Variants in NEBL observed in about 807,000 individuals in gnomAD.
NEBL encodes nebulette, also known as LIM and SH3 protein 2.
In NEBL, 122 loss-of-function variants were observed where a neutral mutation model predicts 140.2. The observed-to-expected ratio is 0.87, with a 90% CI of 0.75 to 1.01. The LOEUF (loss-of-function observed/expected upper bound fraction) is 1.01. NEBL is among the 50% of genes least tolerant of loss of function. NEBL has a pLI of 0.00. For missense variants in NEBL, 1,365 were observed against 1,231.3 expected, an observed-to-expected ratio of 1.11 and a Z score of -1.62; for synonymous variants, 436 against 398.9, an observed-to-expected ratio of 1.09 and a Z score of -1.11.
intron 3 of NEBL, among the ~76,000 whole-genome samples, chr10:21,179,996 G>A (rs7067884): frequency 0.079 from 11,997 of 152,058 alleles, 1,248 homozygotes; most frequent in African/African-American, 0.24. Flanking sequence ...AATTAGCTGG[G>A]TGTGGTGGTA....
At chr10:20,805,356 T>C (rs1837512944) in intron 26 of NEBL, among the ~76,000 whole-genome samples, 1 of 152,222 alleles carries the variant, frequency 6.6e-6, no homozygotes, top group African/African-American at 2.4e-5. Flanking sequence ...TTCCAATGTA[T>C]CCTAAAATCT....
chr10:21,077,588 CAG>C (rs1836160747), intron 2 of NEBL, among the ~76,000 whole-genome samples: 1 of 151,722 alleles, frequency 6.6e-6, no homozygotes, highest in Admixed American at 6.6e-5. Flanking sequence ...GCCTGGGCGA[CAG>C]AGCAAGACTT....
At chr10:21,183,068 C>G (rs1257264653) in intron 3 of NEBL, among the ~76,000 whole-genome samples, 1 of 152,154 alleles carries the variant, frequency 6.6e-6, no homozygotes, top group African/African-American at 2.4e-5. Context: ...TTTGCATCTG[C>G]TTACTCTGAA....
intron 2 of NEBL, among the ~76,000 whole-genome samples, chr10:21,027,573 A>G (rs1833567282): frequency 6.6e-6 from 1 of 152,124 alleles, no homozygotes; most frequent in Admixed American, 6.5e-5. Context: ...CAAGTGGTCC[A>G]ATCAATTCAG....
At chr10:21,087,488 T>C (rs989910238) in intron 2 of NEBL, among the ~76,000 whole-genome samples, 11 of 152,172 alleles carry the variant, frequency 7.2e-5, no homozygotes, top group Non-Finnish European at 1.6e-4. Context: ...TTTTTCAGAC[T>C]TTCTCTTCTC....
intron 3 of NEBL, among the ~76,000 whole-genome samples, chr10:21,005,403 C>T (rs1838096082): frequency 6.6e-6 from 1 of 152,152 alleles, no homozygotes; most frequent in Non-Finnish European, 1.5e-5. Context: ...AGAAGTAAAA[C>T]AGTAAAATTT....
chr10:20,961,822 A>G lies in NEBL; in HGVS notation c.250-43T>C, dbSNP rs755562104. On this transcript the variant is annotated intron_variant, in intron 3 of 6. Coordinates refer to the NEBL transcript ENST00000417816. ...AAGAAAAGTGAACAGAGGGATCACG[A>G]ATCCCACTCGGGATAGGCTGGGCCA... 2.7e-6 allele frequency: 4 copies of G among 1,458,376 alleles called. No individual in the cohort carries two copies. In the Admixed American group the frequency reaches 6.7e-5, roughly 24 times the overall value. 90.3% of individuals were successfully genotyped at this position (1,458,376 alleles called of 1,614,324 possible).
intron 1 of NEBL, among the ~76,000 whole-genome samples, chr10:21,285,012 C>T (rs763506887): frequency 7.9e-5 from 12 of 152,232 alleles, no homozygotes; most frequent in Non-Finnish European, 1.2e-4. Flanking sequence ...ACAGAGCTAT[C>T]GTGGTACCAC....
chr10:21,044,596 C>T (rs887109733), intron 2 of NEBL, among the ~76,000 whole-genome samples: 1 of 151,998 alleles, frequency 6.6e-6, no homozygotes, highest in African/African-American at 2.4e-5. Flanking sequence ...ATTCACATGG[C>T]TGTTCACAGA....
intron 3 of NEBL, among the ~76,000 whole-genome samples, chr10:20,987,829 A>G (rs1278324380): frequency 6.6e-6 from 1 of 152,060 alleles, no homozygotes; most frequent in East Asian, 1.9e-4. Context: ...CACTCCTTTT[A>G]ATACTTCAAC....
At chr10:21,141,378 C>T (rs1839625888) in intron 2 of NEBL, among the ~76,000 whole-genome samples, 1 of 152,028 alleles carries the variant, frequency 6.6e-6, no homozygotes, top group South Asian at 2.1e-4. Context: ...TCTGCACTTA[C>T]CTCAATGGTT....
intron 1 of NEBL, among the ~76,000 whole-genome samples, chr10:21,291,871 A>G (rs1164711065): frequency 6.6e-6 from 1 of 152,204 alleles, no homozygotes; most frequent in South Asian, 2.1e-4. Flanking sequence ...ACGCCACTGC[A>G]CTCCAGCCAG....
At chr10:20,897,419 A>G, upstream of NEBL, 1 of 1,303,656 alleles carries the variant, frequency 7.7e-7, no homozygotes, top group Non-Finnish European at 9.7e-7. Context: ...TGGCCTCACA[A>G]GTGGAAATAA....
chr10:21,220,151 G>T (rs144709935), intron 3 of NEBL, among the ~76,000 whole-genome samples: 3 of 152,078 alleles, frequency 2.0e-5, no homozygotes, highest in Non-Finnish European at 4.4e-5. Context: ...GACCTCAAGT[G>T]ATCCGCCCAT....
chr10:20,815,617 C>T lies in NEBL; in HGVS notation c.2241+8G>A. 6.3e-7 allele frequency: 1 copy of T among 1,589,834 alleles called. No homozygotes were observed. The stretch of plus-strand genomic sequence containing the variant: ...TTGTGATAGTCTAAAATGAAGAAAA[C>T]CACTTGCCGAGCTAATATTTTCTTG... On this transcript the variant is annotated splice_region_variant and intron_variant, in intron 22 of 27. Coordinates refer to ENST00000377122, the MANE Select transcript of NEBL (RefSeq NM_006393.3).
intron 3 of NEBL, among the ~76,000 whole-genome samples, chr10:20,992,250 A>T (rs968712361): frequency 4.6e-5 from 7 of 152,244 alleles, no homozygotes; most frequent in Admixed American, 3.3e-4. Flanking sequence ...ATGACTATCT[A>T]GCATCTTTTG....
At chr10:20,982,916 A>C (rs1408669694) in intron 3 of NEBL, among the ~76,000 whole-genome samples, 1 of 152,224 alleles carries the variant, frequency 6.6e-6, no homozygotes, top group African/African-American at 2.4e-5. Context: ...TAGTATTTAA[A>C]TTGATCACAG....
In NEBL at chr10:20,924,332, T is replaced by C. The variant is rs141866716; in HGVS notation, c.357+37340A>G. Among the ~76,000 whole-genome samples, 22 of 147,470 alleles carry C rather than the reference T, an allele frequency of 1.5e-4. 1 individual carries two copies. The East Asian group carries it at 4.3e-3, about 29-fold the overall frequency. ...TTCACCTGTGACAACTTACAGTACC[T>C]ATCTGCTTTGTATCCACACCTTAAG... On this transcript the variant is annotated intron_variant, in intron 4 of 6. Coordinates refer to the NEBL transcript ENST00000417816.
In NEBL at chr10:21,017,969, C is replaced by T. The variant is rs527513360; in HGVS notation, c.249+2148G>A. On this transcript the variant is annotated intron_variant, in intron 3 of 6. Transcript: ENST00000417816. Reference sequence around the variant, plus strand: ...TCGAGTAGTTGGGATTACAGGCATCCGCCACCACTCCCAGCTAATTTTTGT... The same window carrying T: ...TCGAGTAGTTGGGATTACAGGCATCTGCCACCACTCCCAGCTAATTTTTGT... Among the ~76,000 whole-genome samples, 62 of 152,154 alleles carry T rather than the reference C, an allele frequency of 4.1e-4. No individual in the cohort carries two copies. The South Asian group carries it at 6.4e-3, about 16-fold the overall frequency.
Sources: gnomAD v4.1 joint callset for allele counts (sites outside exome capture counted in the v4.1 genomes callset) on GRCh38, gnomAD v4.1.1 for gene constraint, MANE v1.5 for transcripts, NCBI Gene and HGNC (gene_info 2026-07-23, HGNC 2026-07-21) for gene names.